The following ROBO2 variants were observed in gnomAD, a reference collection of about 807,000 sequenced individuals.
ROBO2 encodes roundabout guidance receptor 2, also known as roundabout homolog 2.
ROBO2 carries 53 observed loss-of-function variants against 160.8 expected under a neutral mutation model. The observed-to-expected ratio is 0.33, with a 90% CI of 0.26 to 0.41. The LOEUF (loss-of-function observed/expected upper bound fraction) is 0.41, where lower values mean the gene tolerates loss of function less well. ROBO2 is among the 10% of genes least tolerant of loss of function. ROBO2 has a pLI of 1.00. For synonymous variants in ROBO2, 664 were observed against 611.7 expected, an observed-to-expected ratio of 1.09 and a Z score of -1.26; for missense variants, 1,577 against 1,722.4, an observed-to-expected ratio of 0.92 and a Z score of 1.49.
chr3:76,464,084 C>T (rs551813753), intron 2 of ROBO2, among the ~76,000 whole-genome samples: 35 of 152,176 alleles, frequency 2.3e-4, no homozygotes, highest in Non-Finnish European at 3.7e-4. Flanking sequence ...TCCTTTCAAA[C>T]GCATTTCACA....
chr3:77,089,057 C>A (rs1364218755), intron 1 of ROBO2, among the ~76,000 whole-genome samples: 1 of 152,060 alleles, frequency 6.6e-6, no homozygotes, highest in Non-Finnish European at 1.5e-5. Flanking sequence ...GTACAAAAAA[C>A]CAGTTTAGGT....
At chr3:76,169,077 C>T (rs368296723) in intron 2 of ROBO2, among the ~76,000 whole-genome samples, 2 of 151,810 alleles carry the variant, frequency 1.3e-5, no homozygotes, top group Non-Finnish European at 2.9e-5. Context: ...AGCATGTGAT[C>T]GACTATATGA....
intron 2 of ROBO2, among the ~76,000 whole-genome samples, chr3:76,944,549 A>G (rs2078395847): frequency 6.6e-6 from 1 of 152,210 alleles, no homozygotes; most frequent in African/African-American, 2.4e-5. Context: ...CAGGAAAGGG[A>G]AAATATAAAA....
chr3:77,370,617 A>C lies in ROBO2; in HGVS notation c.389-106797A>C, dbSNP rs375328767. The stretch of plus-strand genomic sequence containing the variant: ...GGAGGGATCAGCAAACCACGGCCAC[A>C]TGCCAGGTCTGGCCCACTGCCATTT... On this transcript the variant is annotated intron_variant, in intron 2 of 25. Transcript: ENST00000461745. Among the ~76,000 whole-genome samples, 10 of 152,368 alleles carry C rather than the reference A, an allele frequency of 6.6e-5. No individual in the cohort carries two copies. In the East Asian group the frequency reaches 1.2e-3, roughly 18 times the overall value.
chr3:77,181,521 C>A (rs916337834), intron 2 of ROBO2, among the ~76,000 whole-genome samples: 1 of 151,944 alleles, frequency 6.6e-6, no homozygotes, highest in African/African-American at 2.4e-5. Flanking sequence ...TAAAGAAAAT[C>A]AAGAGATAAG....
intron 22 of ROBO2, among the ~76,000 whole-genome samples, chr3:77,620,061 T>TTCA (rs975033736): frequency 6.6e-6 from 1 of 152,172 alleles, no homozygotes; most frequent in Admixed American, 6.6e-5. Flanking sequence ...AACAAATTAG[T>TTCA]TCATCTCCAC....
intron 7 of ROBO2, among the ~76,000 whole-genome samples, chr3:77,547,704 C>T (rs1047627406): frequency 1.3e-5 from 2 of 152,012 alleles, no homozygotes; most frequent in Admixed American, 6.6e-5. Context: ...TTGGTGGAGT[C>T]ATTCCTCTTG....
chr3:77,108,251 C>CATGTATATGTATACACATATGCATAT (rs2073091264), intron 2 of ROBO2, among the ~76,000 whole-genome samples: 1 of 121,438 alleles, frequency 8.2e-6, no homozygotes, highest in Non-Finnish European at 1.7e-5. Flanking sequence ...TACACATATG[C>CATGTATATGTATACACATATGCATAT]ATATATATGT....
At chr3:76,248,641 T>G (rs953318641) in intron 2 of ROBO2, among the ~76,000 whole-genome samples, 1 of 139,108 alleles carries the variant, frequency 7.2e-6, no homozygotes, top group Non-Finnish European at 1.5e-5. Context: ...TGAAGTATAA[T>G]AATAAAAGAA....
chr3:77,544,307 G>T (rs2092609135), intron 6 of ROBO2, among the ~76,000 whole-genome samples: 1 of 152,050 alleles, frequency 6.6e-6, no homozygotes, highest in South Asian at 2.1e-4. Flanking sequence ...CAAGAAGATT[G>T]TAAGAAGCAA....
chr3:76,776,276 A>T (rs559053598), intron 2 of ROBO2, among the ~76,000 whole-genome samples: 1 of 151,150 alleles, frequency 6.6e-6, no homozygotes, highest in East Asian at 2.0e-4. Flanking sequence ...CCTGATGCTG[A>T]TAACTGATTG....
intron 2 of ROBO2, among the ~76,000 whole-genome samples, chr3:77,281,911 G>T (rs566957171): frequency 6.6e-6 from 1 of 152,286 alleles, no homozygotes; most frequent in South Asian, 2.1e-4. Context: ...TCTGACAGGA[G>T]GCGGAGCTCA....
intron 1 of ROBO2, among the ~76,000 whole-genome samples, chr3:75,928,722 A>G (rs1296999698): frequency 6.6e-6 from 1 of 152,158 alleles, no homozygotes; most frequent in Non-Finnish European, 1.5e-5. Context: ...AGAACGATCT[A>G]TGTACTTTCA....
At chr3:76,771,599 T>TAA (rs2108503778) in intron 2 of ROBO2, among the ~76,000 whole-genome samples, 1 of 151,372 alleles carries the variant, frequency 6.6e-6, no homozygotes, top group South Asian at 2.1e-4. Flanking sequence ...AAGTCAAACT[T>TAA]AAAGCTAATG....
chr3:77,202,669 C>T (rs1366782321), intron 2 of ROBO2, among the ~76,000 whole-genome samples: 2 of 152,128 alleles, frequency 1.3e-5, no homozygotes, highest in Admixed American at 1.3e-4. Context: ...TTTCCATCTT[C>T]CTTCCTCTAT....
At chr3:77,213,666 A>AT (rs2084503882) in intron 2 of ROBO2, among the ~76,000 whole-genome samples, 1 of 151,474 alleles carries the variant, frequency 6.6e-6, no homozygotes, top group Non-Finnish European at 1.5e-5. Flanking sequence ...TTTCATTGTG[A>AT]TTTTAGGGTG....
chr3:77,288,981 G>C (rs1358945531), intron 2 of ROBO2, among the ~76,000 whole-genome samples: 1 of 152,136 alleles, frequency 6.6e-6, no homozygotes, highest in African/African-American at 2.4e-5. Context: ...TAGTAAATTT[G>C]TATGTGTTAT....
chr3:76,932,330 A>T (rs2077401648), intron 2 of ROBO2, among the ~76,000 whole-genome samples: 1 of 152,154 alleles, frequency 6.6e-6, no homozygotes, highest in Non-Finnish European at 1.5e-5. Flanking sequence ...TTTATTCCAT[A>T]CCATGAGAAA....
chr3:77,351,678 G>C (rs1044593679), intron 2 of ROBO2, among the ~76,000 whole-genome samples: 5 of 152,156 alleles, frequency 3.3e-5, no homozygotes, highest in Non-Finnish European at 5.9e-5. Flanking sequence ...TCAGCAAGTA[G>C]AATGGAGGAT....
Sources: allele counts gnomAD v4.1 joint callset (sites outside exome capture counted in the v4.1 genomes callset), GRCh38; gene constraint gnomAD v4.1.1; transcripts MANE v1.5; gene names NCBI Gene and HGNC (gene_info 2026-07-23, HGNC 2026-07-21).